The following CNTNAP4 variants were observed in gnomAD, a reference collection of about 807,000 sequenced individuals.
CNTNAP4 encodes the protein contactin-associated protein-like 4.
In CNTNAP4, 98 loss-of-function variants were observed where a neutral mutation model predicts 148.4. The ratio of observed to expected loss-of-function variants is 0.66; its 90% CI spans 0.56 to 0.78. The LOEUF (loss-of-function observed/expected upper bound fraction) is 0.78, where lower values mean the gene tolerates loss of function less well. CNTNAP4 is among the 30% of genes least tolerant of loss of function. The pLI is 0.00. For missense variants in CNTNAP4, 1,935 were observed against 1,565.6 expected (o/e 1.24, Z -3.98); for synonymous variants, 730 against 565.1 (o/e 1.29, Z -4.14).
rs114643292 is a variant in CNTNAP4, at chr16:76,478,338, A to C, written c.1763-1081A>C. On this transcript the variant is annotated intron_variant, in intron 11 of 23. Coordinates refer to ENST00000611870, the MANE Select transcript of CNTNAP4 (RefSeq NM_033401.5). ...TTTTTACGTACTCTCTTCAGTGCAC[A>C]AAATGCAAATGTGACTGGAAGATGA... 3.7e-3 allele frequency among the ~76,000 whole-genome samples: 570 copies of C among 152,346 alleles called. 2 individuals are homozygous for C. The highest frequency in any genetic ancestry group is 0.012 in the African/African-American group (515 of 41,588).
At chr16:76,467,965 T>G (rs2081235884) in intron 10 of CNTNAP4, among the ~76,000 whole-genome samples, 1 of 152,164 alleles carries the variant, frequency 6.6e-6, no homozygotes, top group African/African-American at 2.4e-5. Flanking sequence ...GGCAGGGGAA[T>G]TCAGCTGGTT....
At chr16:76,348,337 G>T (rs1965085185) in intron 2 of CNTNAP4, among the ~76,000 whole-genome samples, 1 of 152,074 alleles carries the variant, frequency 6.6e-6, no homozygotes, top group South Asian at 2.1e-4. Context: ...GAATTCTCCA[G>T]TCTTGGGTTC....
chr16:76,527,607 G>GA (rs1227143056), intron 17 of CNTNAP4, among the ~76,000 whole-genome samples: 5 of 152,090 alleles, frequency 3.3e-5, no homozygotes, highest in Admixed American at 6.6e-5. Context: ...CTTCTAATAA[G>GA]AATGTTTTAA....
chr16:76,318,488 C>T lies in CNTNAP4; in HGVS notation c.196+1965C>T, dbSNP rs549786404. On this transcript the variant is annotated intron_variant, in intron 2 of 23. Transcript: ENST00000611870. ...GAATCTCATTTACATGTTAATGAAA[C>T]CGAGACACAAAACAGGATCATTTTA... Among the ~76,000 whole-genome samples the T allele has an allele frequency of 3.3e-5, 5 of 151,912 alleles. No homozygotes were observed. In the East Asian group the frequency reaches 9.7e-4, roughly 29 times the overall value.
intron 3 of CNTNAP4, among the ~76,000 whole-genome samples, chr16:76,360,976 C>T (rs1003312134): frequency 6.6e-6 from 1 of 151,894 alleles, no homozygotes; most frequent in Non-Finnish European, 1.5e-5. Context: ...GCCTCCACAC[C>T]CGGCTAATTT....
chr16:76,505,252 T>C (rs371249573), intron 15 of CNTNAP4, among the ~76,000 whole-genome samples: 1 of 41,274 alleles, frequency 2.4e-5, no homozygotes, highest in African/African-American at 3.6e-5. Context: ...CGTTCCATTT[T>C]ACTGTGGTGT....
At chr16:76,474,612 C>T (rs1331691681) in intron 10 of CNTNAP4, among the ~76,000 whole-genome samples, 4 of 151,916 alleles carry the variant, frequency 2.6e-5, no homozygotes, top group Non-Finnish European at 2.9e-5. Context: ...TTTATTTAGT[C>T]GTTAATCTGT....
In CNTNAP4 at chr16:76,397,968, A is replaced by G. The variant is rs1321890255; in HGVS notation, c.391-29484A>G. On this transcript the variant is annotated intron_variant, in intron 3 of 23. Coordinates refer to ENST00000611870, the MANE Select transcript of CNTNAP4 (RefSeq NM_033401.5). ...TACATATATATATATATATATATAT[A>G]TATATATATATATATATATATATAT... Among the ~76,000 whole-genome samples the G allele has an allele frequency of 5.2e-3, 272 of 51,956 alleles. 19 individuals are homozygous for G. The highest frequency in any genetic ancestry group is 0.04 in the Admixed American group (210 of 5,252). 34.1% of individuals were successfully genotyped at this position (51,956 alleles called of 152,430 possible). A position where few individuals can be genotyped will look rare whatever the true frequency, so the allele number is the denominator to read the frequency against.
intron 10 of CNTNAP4, chr16:76,469,656 A>C (rs375679823): frequency 6.6e-6 from 1 of 152,248 alleles, no homozygotes; most frequent in African/African-American, 2.4e-5. Context: ...CTGAAGGTAC[A>C]TACTTTCTGT....
chr16:76,472,397 A>T (rs1273087852), intron 10 of CNTNAP4, among the ~76,000 whole-genome samples: 2 of 152,084 alleles, frequency 1.3e-5, no homozygotes, highest in Non-Finnish European at 2.9e-5. Flanking sequence ...GATCAAATAG[A>T]AATAACATAT....
At position 76,349,001 on chromosome 16, in the gene CNTNAP4, G is replaced by T. The variant is rs370865416; in HGVS notation, c.197-6317G>T. 4.9e-4 allele frequency among the ~76,000 whole-genome samples: 75 copies of T among 151,964 alleles called. No individual in the cohort carries two copies. In the South Asian group the frequency reaches 8.4e-3, roughly 17 times the overall value. Reference sequence around the variant, plus strand: ...TAATGAAGCAGGAGAGAGGAGAATTGCTAAAGCGGTGACCGTGAGAAGGAT... The same window carrying T: ...TAATGAAGCAGGAGAGAGGAGAATTTCTAAAGCGGTGACCGTGAGAAGGAT... On this transcript the variant is annotated intron_variant, in intron 2 of 23. Transcript: ENST00000611870.
At chr16:76,418,845 T>C (rs1004822649) in intron 3 of CNTNAP4, among the ~76,000 whole-genome samples, 2 of 151,954 alleles carry the variant, frequency 1.3e-5, no homozygotes, top group Non-Finnish European at 2.9e-5. Flanking sequence ...AAGATTTACA[T>C]TACTCTGGCT....
chr16:76,322,245 A>C (rs2216744), intron 2 of CNTNAP4, among the ~76,000 whole-genome samples: 1 of 151,894 alleles, frequency 6.6e-6, no homozygotes, highest in South Asian at 2.1e-4. Context: ...TTCTGTCTTG[A>C]GCCCTAATTT....
At chr16:76,546,520 C>T (rs994685508) in intron 21 of CNTNAP4, among the ~76,000 whole-genome samples, 1 of 152,174 alleles carries the variant, frequency 6.6e-6, no homozygotes, top group Non-Finnish European at 1.5e-5. Context: ...CTGTCACCAA[C>T]TCCCATCACC....
chr16:76,308,385 T>A (rs1960725562), intron 1 of CNTNAP4, among the ~76,000 whole-genome samples: 1 of 152,150 alleles, frequency 6.6e-6, no homozygotes, highest in Non-Finnish European at 1.5e-5. Flanking sequence ...TTAGAAAAAT[T>A]ATATTTTATT....
chr16:76,386,375 C>A (rs761410299), intron 3 of CNTNAP4, among the ~76,000 whole-genome samples: 1 of 152,056 alleles, frequency 6.6e-6, no homozygotes, highest in Non-Finnish European at 1.5e-5. Flanking sequence ...CTCAGTGGTA[C>A]ACATTTTTTA....
chr16:76,393,791 A>C (rs1021578463), intron 3 of CNTNAP4, among the ~76,000 whole-genome samples: 1 of 152,210 alleles, frequency 6.6e-6, no homozygotes, highest in African/African-American at 2.4e-5. Context: ...CTATGAGAAC[A>C]TGCACTAAAA....
intron 3 of CNTNAP4, among the ~76,000 whole-genome samples, chr16:76,355,737 AAAAT>A (rs1246600484): frequency 2.0e-5 from 3 of 152,060 alleles, no homozygotes; most frequent in African/African-American, 7.2e-5. Flanking sequence ...CAAAAATTGA[AAAAT>A]AAACCCTATT....
chr16:76,314,557 G>C (rs1381776028), intron 1 of CNTNAP4, among the ~76,000 whole-genome samples: 1 of 152,160 alleles, frequency 6.6e-6, no homozygotes, highest in Non-Finnish European at 1.5e-5. Flanking sequence ...CATTTTGCAA[G>C]AATCAATGAA....
Sources: allele counts gnomAD v4.1 joint callset (sites outside exome capture counted in the v4.1 genomes callset), GRCh38; gene constraint gnomAD v4.1.1; transcripts MANE v1.5; gene names NCBI Gene and HGNC (gene_info 2026-07-23, HGNC 2026-07-21).